Variants in NDUFS4 observed in about 807,000 individuals in gnomAD.
NDUFS4 encodes the protein NADH:ubiquinone oxidoreductase subunit S4.
A neutral mutation model predicts 24.3 loss-of-function variants in NDUFS4; 28 were observed. That is an observed-to-expected ratio of 1.15 (90% CI 0.85 to 1.58). NDUFS4 has a LOEUF of 1.58. Among genes scored for constraint, NDUFS4 ranks in the 40% most tolerant of loss-of-function variants. The pLI, the probability that NDUFS4 is intolerant of heterozygous loss-of-function variation, is 0.00. For synonymous variants in NDUFS4, 93 were observed against 69.7 expected, an observed-to-expected ratio of 1.34 and a Z score of -1.67; for missense variants, 223 against 207.9, an observed-to-expected ratio of 1.07 and a Z score of -0.45.
At chr5:53,593,926 T>C (rs1294309492) in intron 1 of NDUFS4, among the ~76,000 whole-genome samples, 2 of 152,196 alleles carry the variant, frequency 1.3e-5, no homozygotes, top group Non-Finnish European at 2.9e-5. Context: ...GTTTCTATTC[T>C]TTTAAATTAG....
chr5:53,649,487 T>C (rs951512987), intron 3 of NDUFS4, among the ~76,000 whole-genome samples: 2 of 152,196 alleles, frequency 1.3e-5, no homozygotes, highest in South Asian at 4.1e-4. Context: ...TTAATTCACT[T>C]AGGATGATGG....
At chr5:53,576,996 G>A (rs1749409416) in intron 1 of NDUFS4, among the ~76,000 whole-genome samples, 1 of 152,024 alleles carries the variant, frequency 6.6e-6, no homozygotes, top group African/African-American at 2.4e-5. Context: ...CATTTCTCGG[G>A]GTTTGTGTAG....
chr5:53,609,620 C>G (rs1216406013), intron 2 of NDUFS4, among the ~76,000 whole-genome samples: 1 of 152,104 alleles, frequency 6.6e-6, no homozygotes, highest in South Asian at 2.1e-4. Context: ...TGAAGCCAGG[C>G]GTTGACTTCT....
At chr5:53,608,241 C>CA (rs1750588101) in intron 2 of NDUFS4, among the ~76,000 whole-genome samples, 1 of 152,110 alleles carries the variant, frequency 6.6e-6, no homozygotes, top group African/African-American at 2.4e-5. Context: ...CTTTATTGCT[C>CA]AAAAATGCTA....
chr5:53,593,684 A>G (rs1750045606), intron 1 of NDUFS4, among the ~76,000 whole-genome samples: 1 of 151,422 alleles, frequency 6.6e-6, no homozygotes, highest in Non-Finnish European at 1.5e-5. Flanking sequence ...ATATGCATTC[A>G]GAGCTATAAG....
chr5:53,627,601 C>CTTGTAAG (rs1751269939), intron 2 of NDUFS4, among the ~76,000 whole-genome samples: 1 of 152,002 alleles, frequency 6.6e-6, no homozygotes, highest in Non-Finnish European at 1.5e-5. Context: ...CTTCACATCC[C>CTTGTAAG]TTGTAAGTTG....
chr5:53,658,491 G>A, intron 3 of NDUFS4, 60 bp from the exon 4 acceptor site: 1 of 1,130,204 alleles, frequency 8.8e-7, no homozygotes, highest in East Asian at 2.4e-5. Context: ...TTTAAATATT[G>A]ATTTTGTTTC....
chr5:53,572,970 G>T (rs10461564), intron 1 of NDUFS4, among the ~76,000 whole-genome samples: 5,495 of 110,732 alleles, frequency 0.05, 172 homozygotes, highest in Non-Finnish European at 0.059. Flanking sequence ...TTTTTTTTTT[G>T]TTTTTTTTTT....
At chr5:53,639,676 A>G (rs1751654507) in intron 2 of NDUFS4, among the ~76,000 whole-genome samples, 2 of 152,182 alleles carry the variant, frequency 1.3e-5, no homozygotes, top group Admixed American at 1.3e-4. Context: ...GAGACATTAA[A>G]CAAAGCTAAG....
chr5:53,599,928 T>C (rs966168982), intron 1 of NDUFS4, among the ~76,000 whole-genome samples: 1 of 152,098 alleles, frequency 6.6e-6, no homozygotes, highest in East Asian at 1.9e-4. Context: ...ATATTTACTG[T>C]ATAATTCATG....
At chr5:53,641,252 AGTTTTGACTCAGCCC>A (rs1317251250) in intron 2 of NDUFS4, among the ~76,000 whole-genome samples, 3 of 152,276 alleles carry the variant, frequency 2.0e-5, no homozygotes, top group African/African-American at 7.2e-5. Flanking sequence ...ATTCCAACCC[AGTTTTGACTCAGCCC>A]TTTGCTTTTA....
intron 4 of NDUFS4, among the ~76,000 whole-genome samples, chr5:53,661,499 C>A (rs952675255): frequency 9.2e-5 from 14 of 152,130 alleles, no homozygotes; most frequent in African/African-American, 2.9e-4. Context: ...TTTTTGGTTC[C>A]ATATGAAGTT....
At chr5:53,597,630 A>C (rs1396250366) in intron 1 of NDUFS4, among the ~76,000 whole-genome samples, 1 of 152,240 alleles carries the variant, frequency 6.6e-6, no homozygotes, top group Non-Finnish European at 1.5e-5. Context: ...TGTTAAAAAC[A>C]ATATTTACAA....
intron 1 of NDUFS4, among the ~76,000 whole-genome samples, chr5:53,564,621 C>T (rs1371502039): frequency 6.6e-6 from 1 of 152,120 alleles, no homozygotes; most frequent in African/African-American, 2.4e-5. Context: ...CTCATGCAAC[C>T]TCCACCCTCT....
At chr5:53,647,891 G>T (rs780604829) in intron 3 of NDUFS4, among the ~76,000 whole-genome samples, 2 of 152,100 alleles carry the variant, frequency 1.3e-5, no homozygotes, top group Admixed American at 6.5e-5. Context: ...TTAGGCAAAT[G>T]ATATATAGGC....
At chr5:53,612,640 C>T (rs1750732691) in intron 2 of NDUFS4, among the ~76,000 whole-genome samples, 1 of 152,006 alleles carries the variant, frequency 6.6e-6, no homozygotes. Flanking sequence ...AAAATTTCTT[C>T]CAAATAGCAA....
chr5:53,642,175 T>G (rs1235412305), intron 2 of NDUFS4, among the ~76,000 whole-genome samples: 1 of 152,132 alleles, frequency 6.6e-6, no homozygotes, highest in African/African-American at 2.4e-5. Flanking sequence ...AAGTAATTAC[T>G]AAGGCCAGTG....
intron 4 of NDUFS4, among the ~76,000 whole-genome samples, chr5:53,681,350 G>C (rs191189060): frequency 3.9e-4 from 59 of 152,206 alleles, no homozygotes; most frequent in African/African-American, 1.3e-3. Context: ...TTTAGGAAAA[G>C]TTCTTTCTCA....
chr5:53,602,505 T>G (rs921421390), intron 1 of NDUFS4, among the ~76,000 whole-genome samples: 2 of 152,188 alleles, frequency 1.3e-5, no homozygotes, highest in African/African-American at 4.8e-5. Context: ...TATATGGCTG[T>G]GTACACATTA....
Sources: gnomAD v4.1 joint callset for allele counts (sites outside exome capture counted in the v4.1 genomes callset) on GRCh38, gnomAD v4.1.1 for gene constraint, MANE v1.5 for transcripts, NCBI Gene and HGNC (gene_info 2026-07-23, HGNC 2026-07-21) for gene names.